Variants in AFG2A observed in about 807,000 individuals in gnomAD.
AFG2A encodes the protein ATPase family gene 2 protein homolog A.
the AFG2A span, among the ~76,000 whole-genome samples, chr4:122,928,468 C>T: frequency 6.6e-6 from 1 of 152,168 alleles, no homozygotes; most frequent in African/African-American, 2.4e-5. Context: ...GATGGCACCC[C>T]TCCTATTCTT....
At chr4:123,166,871 G>T in the AFG2A span, among the ~76,000 whole-genome samples, 1 of 151,942 alleles carries the variant, frequency 6.6e-6, no homozygotes, top group Non-Finnish European at 1.5e-5. Flanking sequence ...ATAACGTATG[G>T]ATCCTATCTG....
chr4:123,041,210 A>G, the AFG2A span, among the ~76,000 whole-genome samples: 1 of 151,124 alleles, frequency 6.6e-6, no homozygotes, highest in African/African-American at 2.4e-5. Context: ...TCCCGGGTTC[A>G]CGCCATTCTT....
the AFG2A span, among the ~76,000 whole-genome samples, chr4:123,104,585 AT>A: frequency 6.6e-6 from 1 of 152,220 alleles, no homozygotes; most frequent in Non-Finnish European, 1.5e-5. Context: ...CTTTCACCAA[AT>A]GTTTAGCCAA....
chr4:123,119,381 G>A, the AFG2A span, among the ~76,000 whole-genome samples: 5,575 of 152,224 alleles, frequency 0.037, 340 homozygotes, highest in African/African-American at 0.13. Flanking sequence ...CAAAGGTTAC[G>A]AGAGCAGGAG....
chr4:122,967,027 T>A, the AFG2A span, among the ~76,000 whole-genome samples: 2 of 152,232 alleles, frequency 1.3e-5, no homozygotes, highest in African/African-American at 2.4e-5. Flanking sequence ...CTTTAATTGC[T>A]TTCCTTTAAC....
At chr4:123,071,659 C>T in the AFG2A span, among the ~76,000 whole-genome samples, 1 of 152,166 alleles carries the variant, frequency 6.6e-6, no homozygotes, top group Non-Finnish European at 1.5e-5. Flanking sequence ...TACAAATCTG[C>T]AGTTACATAG....
chr4:123,298,516 T>C, the AFG2A span, among the ~76,000 whole-genome samples: 1 of 152,184 alleles, frequency 6.6e-6, no homozygotes, highest in African/African-American at 2.4e-5. Flanking sequence ...AGCCCTAATA[T>C]ACAGCAGATG....
At chr4:123,254,557 G>A in the AFG2A span, among the ~76,000 whole-genome samples, 1 of 151,870 alleles carries the variant, frequency 6.6e-6, no homozygotes, top group East Asian at 1.9e-4. Flanking sequence ...CATTGCCTCT[G>A]TAGATACACA....
chr4:123,262,644 C>T, the AFG2A span, among the ~76,000 whole-genome samples: 1 of 152,192 alleles, frequency 6.6e-6, no homozygotes, highest in South Asian at 2.1e-4. Context: ...TTTTCTCTTA[C>T]AGTAATTGTC....
At chr4:123,032,415 C>T in the AFG2A span, among the ~76,000 whole-genome samples, 5 of 151,810 alleles carry the variant, frequency 3.3e-5, no homozygotes, top group South Asian at 2.1e-4. Flanking sequence ...TCCTCTGAGA[C>T]AAAGTCTCAC....
the AFG2A span, among the ~76,000 whole-genome samples, chr4:122,943,991 C>T: frequency 6.6e-6 from 1 of 152,144 alleles, no homozygotes; most frequent in Non-Finnish European, 1.5e-5. Flanking sequence ...TGTAGAGTTT[C>T]TGCCGAGAGA....
the AFG2A span, among the ~76,000 whole-genome samples, chr4:123,047,277 G>A: frequency 6.6e-6 from 1 of 152,040 alleles, no homozygotes; most frequent in African/African-American, 2.4e-5. Context: ...TTGTCTTTTT[G>A]ATAATAACCA....
the AFG2A span, among the ~76,000 whole-genome samples, chr4:122,944,636 T>C: frequency 9.9e-5 from 15 of 152,214 alleles, no homozygotes; most frequent in African/African-American, 2.4e-4. Flanking sequence ...TCTCTCAACT[T>C]GTCAAAGTCA....
the AFG2A span, among the ~76,000 whole-genome samples, chr4:123,046,961 TGAC>T: frequency 2.0e-5 from 3 of 152,226 alleles, no homozygotes; most frequent in Non-Finnish European, 2.9e-5. Flanking sequence ...TTGCTGCAGA[TGAC>T]AGGATCTCAT....
chr4:123,206,323 G>A, the AFG2A span, among the ~76,000 whole-genome samples: 1 of 151,994 alleles, frequency 6.6e-6, no homozygotes, highest in Non-Finnish European at 1.5e-5. Flanking sequence ...CTGAGTTATG[G>A]GTGTTAAAAC....
chr4:123,016,238 G>A, the AFG2A span, among the ~76,000 whole-genome samples: 2 of 149,032 alleles, frequency 1.3e-5, no homozygotes, highest in South Asian at 4.3e-4. Flanking sequence ...CCTCCCGGAC[G>A]GGGCGGCTGG....
At chr4:123,173,358 T>TTTTTTTC in the AFG2A span, among the ~76,000 whole-genome samples, 6 of 121,740 alleles carry the variant, frequency 4.9e-5, no homozygotes, top group African/African-American at 1.8e-4. Flanking sequence ...TTTTTTTTTT[T>TTTTTTTC]TTTTTTTTTT....
At chr4:122,947,581 G>A in the AFG2A span, 2 of 1,313,146 alleles carry the variant, frequency 1.5e-6, no homozygotes, top group Non-Finnish European at 9.9e-7. Context: ...ATTTCTTAAT[G>A]GAAGTAGCTT....
chr4:122,973,996 A>G, the AFG2A span, among the ~76,000 whole-genome samples: 1 of 152,034 alleles, frequency 6.6e-6, no homozygotes. Flanking sequence ...ACTATTTTTT[A>G]ACTTTTGAAA....
Sources: allele counts gnomAD v4.1 joint callset (sites outside exome capture counted in the v4.1 genomes callset), GRCh38; gene constraint gnomAD v4.1.1; transcripts MANE v1.5; gene names NCBI Gene and HGNC (gene_info 2026-07-23, HGNC 2026-07-21).